The following CDH18 variants were observed in gnomAD, a reference collection of about 807,000 sequenced individuals.
CDH18 encodes the protein cadherin 18.
Under a neutral mutation model 67.9 loss-of-function variants are expected in CDH18, and 31 were observed. The ratio of observed to expected loss-of-function variants is 0.46; its 90% CI spans 0.34 to 0.62. The LOEUF (loss-of-function observed/expected upper bound fraction) is 0.62, where lower values mean the gene tolerates loss of function less well. CDH18 is among the 20% of genes least tolerant of loss of function. The probability of loss-of-function intolerance (pLI) is 0.01; values close to 1 mark genes in which losing one functional copy is unlikely to be tolerated. For synonymous variants in CDH18, 362 were observed against 347.2 expected (o/e 1.04, Z -0.48); for missense variants, 890 against 975.5 (o/e 0.91, Z 1.17).
intron 5 of CDH18, among the ~76,000 whole-genome samples, chr5:19,653,117 G>T (rs1367226289): frequency 6.6e-6 from 1 of 151,568 alleles, no homozygotes; most frequent in Non-Finnish European, 1.5e-5. Flanking sequence ...AATATATTAG[G>T]TTGTTGCGAA....
At chr5:19,816,527 C>T (rs1779304195) in intron 3 of CDH18, among the ~76,000 whole-genome samples, 1 of 151,740 alleles carries the variant, frequency 6.6e-6, no homozygotes, top group African/African-American at 2.4e-5. Context: ...TTAAATATTC[C>T]TAACATATTA....
At chr5:20,336,584 G>A (rs979848940) in intron 1 of CDH18, among the ~76,000 whole-genome samples, 42 of 151,630 alleles carry the variant, frequency 2.8e-4, no homozygotes, top group African/African-American at 8.7e-4. Flanking sequence ...TTAGCCGGCC[G>A]TGGTGGCCAG....
chr5:20,526,560 G>T (rs942466291), intron 1 of CDH18, among the ~76,000 whole-genome samples: 1 of 152,094 alleles, frequency 6.6e-6, no homozygotes, highest in Non-Finnish European at 1.5e-5. Flanking sequence ...GGAGGAAGGA[G>T]CAGGGAGCAA....
At chr5:19,511,301 A>G (rs566105411) in intron 10 of CDH18, among the ~76,000 whole-genome samples, 1 of 143,690 alleles carries the variant, frequency 7.0e-6, no homozygotes, top group African/African-American at 2.6e-5. Context: ...TGTCTCAAGC[A>G]GTTCTTAATA....
At chr5:19,610,796 A>AACATTGAT (rs1748826145) in intron 6 of CDH18, among the ~76,000 whole-genome samples, 2 of 152,152 alleles carry the variant, frequency 1.3e-5, no homozygotes, top group Admixed American at 6.6e-5. Context: ...ACTAAGTGAT[A>AACATTGAT]ACATTGATAC....
chr5:20,385,487 C>T (rs1429950217), intron 1 of CDH18, among the ~76,000 whole-genome samples: 5 of 152,150 alleles, frequency 3.3e-5, no homozygotes, highest in African/African-American at 4.8e-5. Flanking sequence ...ACCTAAAAGG[C>T]TCTCAGGAAT....
intron 5 of CDH18, among the ~76,000 whole-genome samples, chr5:19,615,416 T>A (rs350672): frequency 0.77 from 116,944 of 152,018 alleles, 45,053 homozygotes; most frequent in South Asian, 0.8. Context: ...GTCCTTTCAC[T>A]GTAAAATTGA....
At chr5:20,257,305 T>G (rs1167846450) in intron 1 of CDH18, among the ~76,000 whole-genome samples, 1 of 152,104 alleles carries the variant, frequency 6.6e-6, no homozygotes, top group African/African-American at 2.4e-5. Flanking sequence ...GCAGCAAAGA[T>G]TTCCAATAAA....
At chr5:20,253,601 CAT>C (rs1744019606) in intron 2 of CDH18, among the ~76,000 whole-genome samples, 1 of 152,160 alleles carries the variant, frequency 6.6e-6, no homozygotes, top group Non-Finnish European at 1.5e-5. Flanking sequence ...AATTTAATAA[CAT>C]AATCAGAAGA....
chr5:20,115,608 C>A lies in CDH18; in HGVS notation c.-517-123594G>T, dbSNP rs563540429. ...CAAAGGCCCTACCTCCTATTACCAT[C>A]ATATTAGGGGTTAGGGTATCAACAT... On this transcript the variant is annotated intron_variant, in intron 2 of 14. Coordinates refer to the CDH18 transcript ENST00000507958. Among the ~76,000 whole-genome samples the A allele has an allele frequency of 3.3e-5, 5 of 152,096 alleles. No homozygotes were observed. The South Asian group carries it at 1.0e-3, about 32-fold the overall frequency.
intron 2 of CDH18, among the ~76,000 whole-genome samples, chr5:20,078,457 T>A (rs1744143626): frequency 6.6e-6 from 1 of 151,848 alleles, no homozygotes; most frequent in Admixed American, 6.6e-5. Context: ...AATGAGACTC[T>A]GTCTCAAAAC....
At chr5:20,550,392 T>G (rs561205638) in intron 1 of CDH18, among the ~76,000 whole-genome samples, 2 of 152,162 alleles carry the variant, frequency 1.3e-5, no homozygotes, top group East Asian at 3.9e-4. Flanking sequence ...TCTATAGAAT[T>G]TTAGTAATAC....
At chr5:20,440,790 A>C (rs1749548957) in intron 1 of CDH18, among the ~76,000 whole-genome samples, 1 of 152,010 alleles carries the variant, frequency 6.6e-6, no homozygotes, top group African/African-American at 2.4e-5. Context: ...TTATTTAGTA[A>C]ATAGCATTGC....
intron 1 of CDH18, among the ~76,000 whole-genome samples, chr5:20,463,101 A>G (rs1359971393): frequency 3.9e-5 from 6 of 152,128 alleles, no homozygotes; most frequent in African/African-American, 1.4e-4. Flanking sequence ...ATTGAATTCC[A>G]TTCTGATTCG....
intron 2 of CDH18, among the ~76,000 whole-genome samples, chr5:20,136,154 T>C (rs1749696923): frequency 6.6e-6 from 1 of 152,186 alleles, no homozygotes; most frequent in Non-Finnish European, 1.5e-5. Flanking sequence ...CCTTGTTAAC[T>C]TTCTGTCTCA....
At chr5:20,191,592 T>C (rs1163952446) in intron 2 of CDH18, among the ~76,000 whole-genome samples, 1 of 152,072 alleles carries the variant, frequency 6.6e-6, no homozygotes, top group Non-Finnish European at 1.5e-5. Context: ...AACCCCCACT[T>C]ATGAATGAGA....
At chr5:20,415,773 C>T (rs1051508390) in intron 1 of CDH18, among the ~76,000 whole-genome samples, 1 of 151,326 alleles carries the variant, frequency 6.6e-6, no homozygotes, top group Non-Finnish European at 1.5e-5. Flanking sequence ...AAGACTCCAT[C>T]TCAAAAAAAT....
chr5:19,471,893 A>G lies in CDH18; in HGVS notation c.*1333T>C, dbSNP rs1737680289. On this transcript the variant is annotated 3_prime_UTR_variant, in exon 13 of 13. Coordinates refer to ENST00000382275, the MANE Select transcript of CDH18 (RefSeq NM_004934.5). ...ATAAGCGTCTGCAAGCTTTTATGCA[A>G]TTGAATACTTTGCAGTTGGCAAAGC... Among the ~76,000 whole-genome samples the G allele has an allele frequency of 6.6e-6, 1 of 152,174 alleles. No homozygotes were observed. Among genetic ancestry groups the G allele is most frequent in the Non-Finnish European group, 1.5e-5 (1 of 68,024 alleles).
chr5:20,363,113 T>C (rs1742217795), intron 1 of CDH18, among the ~76,000 whole-genome samples: 1 of 152,182 alleles, frequency 6.6e-6, no homozygotes, highest in African/African-American at 2.4e-5. Context: ...GATATCTATG[T>C]CAACAAATTC....
Sources: gnomAD v4.1 joint callset for allele counts (sites outside exome capture counted in the v4.1 genomes callset) on GRCh38, gnomAD v4.1.1 for gene constraint, MANE v1.5 for transcripts, NCBI Gene and HGNC (gene_info 2026-07-23, HGNC 2026-07-21) for gene names.